The following CNTN4 variants were observed in gnomAD, a reference collection of about 807,000 sequenced individuals.
CNTN4 encodes contactin-4.
Under a neutral mutation model 122.5 loss-of-function variants are expected in CNTN4, and 77 were observed. The observed-to-expected ratio is 0.63, with a 90% CI of 0.52 to 0.76. CNTN4 has a LOEUF of 0.76. CNTN4 is among the 30% of genes least tolerant of loss of function. CNTN4 has a pLI of 0.00. For missense variants in CNTN4, 1,256 were observed against 1,259.1 expected, an observed-to-expected ratio of 1.00 and a Z score of 0.04; for synonymous variants, 512 against 447.0, an observed-to-expected ratio of 1.15 and a Z score of -1.83.
intron 13 of CNTN4, among the ~76,000 whole-genome samples, chr3:2,956,718 T>C (rs1194864220): frequency 6.6e-6 from 1 of 152,110 alleles, no homozygotes; most frequent in African/African-American, 2.4e-5. Flanking sequence ...CATCACCAGA[T>C]TGTACATTAG....
At chr3:2,786,435 T>C (rs1196717128) in intron 6 of CNTN4, among the ~76,000 whole-genome samples, 1 of 152,230 alleles carries the variant, frequency 6.6e-6, no homozygotes, top group African/African-American at 2.4e-5. Context: ...TCCCAGCCTC[T>C]GCACCTGCTT....
rs374188773 is a variant in CNTN4 at position 2,269,781 on chromosome 3, A to C, written c.-144-69397A>C. Among the ~76,000 whole-genome samples the C allele has an allele frequency of 8.5e-5, 13 of 152,298 alleles. No homozygotes were observed. The South Asian group carries it at 2.3e-3, about 27-fold the overall frequency. On this transcript the variant is annotated intron_variant, in intron 2 of 24. Transcript: ENST00000418658. ...TCTCTACCCTTATTTATAAAAAACG[A>C]TGAAATGAAACTCAGTAGTTCATTG...
At position 2,170,178 on chromosome 3, in the gene CNTN4, G is replaced by A. The variant is rs374684750; in HGVS notation, c.-145+69539G>A. ...CTACTAAAAATACAAAAAATTAGCC[G>A]GGCGTGGTGGCGGCGCCTGTAGTCC... On this transcript the variant is annotated intron_variant, in intron 2 of 24. Coordinates refer to ENST00000418658, the MANE Select transcript of CNTN4 (RefSeq NM_175607.3). Among the ~76,000 whole-genome samples, 701 of 139,982 alleles carry A rather than the reference G, an allele frequency of 5.0e-3. 3 individuals carry two copies. The highest frequency in any genetic ancestry group is 0.018 in the African/African-American group (598 of 33,224). The allele number at this position is 139,982 out of a possible 152,430, so 91.8% of individuals were successfully genotyped here.
At chr3:2,221,880 AAGAC>A (rs2039075353) in intron 2 of CNTN4, among the ~76,000 whole-genome samples, 2 of 152,170 alleles carry the variant, frequency 1.3e-5, no homozygotes, top group South Asian at 4.1e-4. Flanking sequence ...TAAAATAAAA[AAGAC>A]AGTAATAACA....
intron 7 of CNTN4, among the ~76,000 whole-genome samples, chr3:2,859,668 A>T (rs185781036): frequency 1.3e-5 from 2 of 152,308 alleles, no homozygotes; most frequent in East Asian, 3.9e-4. Flanking sequence ...GGAATGCAGA[A>T]TTATATGCTG....
chr3:2,433,719 C>G (rs1431664156), intron 3 of CNTN4, among the ~76,000 whole-genome samples: 1 of 152,106 alleles, frequency 6.6e-6, no homozygotes, highest in Non-Finnish European at 1.5e-5. Context: ...GGAGCATTTC[C>G]TGTATGTTTT....
chr3:2,750,021 C>T (rs192818734), intron 6 of CNTN4, among the ~76,000 whole-genome samples: 21 of 152,242 alleles, frequency 1.4e-4, no homozygotes, highest in Middle Eastern at 3.4e-3. Flanking sequence ...GAGAATATTT[C>T]TTCCTCTTTA....
rs148578458 is a variant in CNTN4, at chr3:2,813,186, C to A, written c.359-6300C>A. ...ATAGTGAGTTTTTAAAGTTACTCTC[C>A]AAAAATACTTCTTTTTATAAATGGT... On this transcript the variant is annotated intron_variant, in intron 6 of 24. Coordinates refer to ENST00000418658, the MANE Select transcript of CNTN4 (RefSeq NM_175607.3). 2.8e-4 allele frequency among the ~76,000 whole-genome samples: 42 copies of A among 152,224 alleles called. No homozygotes were observed. In the East Asian group the frequency reaches 7.3e-3, roughly 27 times the overall value.
At chr3:2,741,968 T>C (rs1369174255) in intron 5 of CNTN4, among the ~76,000 whole-genome samples, 3 of 152,232 alleles carry the variant, frequency 2.0e-5, no homozygotes, top group Non-Finnish European at 4.4e-5. Context: ...AGTATACTTC[T>C]TGCCTTTATG....
intron 12 of CNTN4, among the ~76,000 whole-genome samples, chr3:2,916,796 A>ACCTC (rs1553692060): frequency 2.0e-5 from 3 of 149,262 alleles, no homozygotes; most frequent in Admixed American, 1.3e-4. Flanking sequence ...GGGGCCCCCC[A>ACCTC]CCTCCCAGAC....
At chr3:2,839,865 C>T (rs2093315580) in intron 7 of CNTN4, among the ~76,000 whole-genome samples, 1 of 152,182 alleles carries the variant, frequency 6.6e-6, no homozygotes, top group Non-Finnish European at 1.5e-5. Flanking sequence ...CAATGGGAAT[C>T]CCTGGAACAG....
chr3:2,472,185 C>T (rs11717961), intron 3 of CNTN4, among the ~76,000 whole-genome samples: 29,452 of 151,148 alleles, frequency 0.19, 3,374 homozygotes, highest in Middle Eastern at 0.28. Flanking sequence ...CTCCCCAGCT[C>T]TCCACCTGAT....
chr3:2,434,348 A>C (rs1575620984), intron 3 of CNTN4, among the ~76,000 whole-genome samples: 1 of 152,292 alleles, frequency 6.6e-6, no homozygotes, highest in East Asian at 1.9e-4. Context: ...CTGTTTAAAA[A>C]CAAAAAAGAA....
At chr3:2,126,149 G>A (rs901931735) in intron 2 of CNTN4, among the ~76,000 whole-genome samples, 2 of 152,058 alleles carry the variant, frequency 1.3e-5, no homozygotes, top group Non-Finnish European at 2.9e-5. Context: ...GTCCTCCGGG[G>A]AACATAGTTT....
chr3:2,154,839 T>C (rs554274777), intron 2 of CNTN4, among the ~76,000 whole-genome samples: 1 of 152,314 alleles, frequency 6.6e-6, no homozygotes, highest in East Asian at 1.9e-4. Flanking sequence ...CTCTGTGTGA[T>C]CCACAAAAGT....
chr3:2,338,058 T>G (rs532075413), intron 2 of CNTN4, among the ~76,000 whole-genome samples: 1 of 152,224 alleles, frequency 6.6e-6, no homozygotes, highest in South Asian at 2.1e-4. Flanking sequence ...TTAATGTGAA[T>G]ATATAATTTT....
At chr3:2,515,898 A>G (rs1234307717) in intron 3 of CNTN4, among the ~76,000 whole-genome samples, 1 of 148,806 alleles carries the variant, frequency 6.7e-6, no homozygotes, top group East Asian at 1.9e-4. Flanking sequence ...ATTTTACTGT[A>G]CAGTTGACTA....
chr3:2,099,992 G>A (rs1428377083), intron 1 of CNTN4, among the ~76,000 whole-genome samples: 5 of 152,194 alleles, frequency 3.3e-5, no homozygotes, highest in African/African-American at 1.2e-4. Context: ...ATTTCGCAGC[G>A]AAGCTCCTGC....
intron 2 of CNTN4, among the ~76,000 whole-genome samples, chr3:2,245,523 A>G (rs1024132645): frequency 1.3e-5 from 2 of 152,062 alleles, no homozygotes; most frequent in Admixed American, 6.6e-5. Flanking sequence ...TAATTTTCCA[A>G]TAACTCCTAT....
Sources: allele counts gnomAD v4.1 joint callset (sites outside exome capture counted in the v4.1 genomes callset), GRCh38; gene constraint gnomAD v4.1.1; transcripts MANE v1.5; gene names NCBI Gene and HGNC (gene_info 2026-07-23, HGNC 2026-07-21).